The following VTI1A variants were observed in gnomAD, a reference collection of about 807,000 sequenced individuals.
The protein encoded by VTI1A is vesicle transport through interaction with t-SNAREs 1A.
In VTI1A, 22 loss-of-function variants were observed where a neutral mutation model predicts 34.9. The observed-to-expected ratio is 0.63, with a 90% CI of 0.45 to 0.90. VTI1A has a LOEUF of 0.90. Ranked by LOEUF, VTI1A falls within the 40% of genes least tolerant of loss-of-function variation. The pLI, the probability that VTI1A is intolerant of heterozygous loss-of-function variation, is 0.00. For synonymous variants in VTI1A, 87 were observed against 97.3 expected (o/e 0.89, Z 0.62); for missense variants, 268 against 275.6 (o/e 0.97, Z 0.20).
chr10:112,593,943 T>C lies in VTI1A; in HGVS notation c.427+55613T>C, dbSNP rs554439428. On this transcript the variant is annotated intron_variant, in intron 5 of 7. Coordinates refer to ENST00000393077, the MANE Select transcript of VTI1A (RefSeq NM_145206.4). The stretch of plus-strand genomic sequence containing the variant: ...TTATTATTTTGAGACGGAGTCTCGC[T>C]CTGTCACCCAGGCTGGAGTGCAGTG... Among the ~76,000 whole-genome samples the C allele has an allele frequency of 1.9e-3, 290 of 151,942 alleles. 1 individual carries two copies. Among genetic ancestry groups the C allele is most frequent in the African/African-American group, 6.6e-3 (275 of 41,400 alleles).
chr10:112,522,652 C>A (rs990406914), intron 3 of VTI1A, among the ~76,000 whole-genome samples: 6 of 152,056 alleles, frequency 3.9e-5, no homozygotes, highest in African/African-American at 1.4e-4. Flanking sequence ...ATATTTGCAT[C>A]CCATGTAAAA....
chr10:112,734,273 C>A (rs1850377032), intron 7 of VTI1A, among the ~76,000 whole-genome samples: 2 of 152,112 alleles, frequency 1.3e-5, no homozygotes, highest in Admixed American at 1.3e-4. Flanking sequence ...CACCTGTATA[C>A]CATGTCTGAG....
At chr10:112,715,232 A>G (rs769565281) in intron 7 of VTI1A, among the ~76,000 whole-genome samples, 12 of 152,220 alleles carry the variant, frequency 7.9e-5, no homozygotes, top group Non-Finnish European at 1.5e-4. Flanking sequence ...ACTGAATTTT[A>G]ATACTTCCTG....
chr10:112,798,532 G>A (rs1050707032), intron 7 of VTI1A, among the ~76,000 whole-genome samples: 1 of 152,130 alleles, frequency 6.6e-6, no homozygotes, highest in Non-Finnish European at 1.5e-5. Context: ...GACTTAGTCT[G>A]TATGAAGATC....
At chr10:112,830,849 A>ATATATATATATATATATTTTT in the VTI1A span, among the ~76,000 whole-genome samples, 87 of 33,458 alleles carry the variant, frequency 2.6e-3, no homozygotes, top group Non-Finnish European at 3.0e-3. Flanking sequence ...ATATATATAT[A>ATATATATATATATATATTTTT]TTTTTTTTTT....
intron 5 of VTI1A, among the ~76,000 whole-genome samples, chr10:112,662,900 A>ACT (rs1161786047): frequency 1.4e-5 from 2 of 146,186 alleles, no homozygotes; most frequent in Admixed American, 7.5e-5. Flanking sequence ...GTGCACTCCC[A>ACT]ACCTGTGTTT....
intron 7 of VTI1A, among the ~76,000 whole-genome samples, chr10:112,770,084 G>A (rs1851761737): frequency 6.6e-6 from 1 of 151,584 alleles, no homozygotes; most frequent in Non-Finnish European, 1.5e-5. Flanking sequence ...AAACCGAGCA[G>A]GCCAAACCAA....
At chr10:112,713,275 A>G (rs1479784249) in intron 7 of VTI1A, among the ~76,000 whole-genome samples, 2 of 152,198 alleles carry the variant, frequency 1.3e-5, no homozygotes, top group Admixed American at 6.5e-5. Flanking sequence ...TTAGTAATTT[A>G]GAATCCAGGG....
chr10:112,766,122 G>GGGTGTAGTAGT (rs1321013186), intron 7 of VTI1A, among the ~76,000 whole-genome samples: 1 of 152,220 alleles, frequency 6.6e-6, no homozygotes, highest in African/African-American at 2.4e-5. Context: ...GTCAGGGCCA[G>GGGTGTAGTAGT]ACCTATAGGT....
chr10:112,497,328 A>T (rs10787450), intron 3 of VTI1A, among the ~76,000 whole-genome samples: 43,813 of 151,654 alleles, frequency 0.29, 7,129 homozygotes, highest in East Asian at 0.73. Flanking sequence ...AAAAAAAAAA[A>T]AATAATAATA....
chr10:112,731,763 A>T (rs1256199622), intron 7 of VTI1A, among the ~76,000 whole-genome samples: 1 of 152,150 alleles, frequency 6.6e-6, no homozygotes, highest in Non-Finnish European at 1.5e-5. Flanking sequence ...TGTTTATTCC[A>T]CATATTTTAT....
In VTI1A at chr10:112,447,349, C is replaced by T; in HGVS notation, c.-25C>T. 1.9e-6 allele frequency: 3 copies of T among 1,609,748 alleles called. No individual in the cohort carries two copies. The highest frequency in any genetic ancestry group is 1.7e-6 in the Non-Finnish European group (2 of 1,178,344). ...CCCTTTCCCTGACCTAGGCTTTGGC[C>T]TGGGCTACTCGTTCCGGAGCCGCCA... On this transcript the variant is annotated 5_prime_UTR_variant, in exon 1 of 8. Coordinates refer to ENST00000393077, the MANE Select transcript of VTI1A (RefSeq NM_145206.4).
At chr10:112,681,928 C>G (rs1309169722) in intron 7 of VTI1A, among the ~76,000 whole-genome samples, 1 of 152,024 alleles carries the variant, frequency 6.6e-6, no homozygotes, top group Non-Finnish European at 1.5e-5. Flanking sequence ...TCATGTGTCC[C>G]AATTAAATCT....
At chr10:112,687,702 C>T (rs1480291278) in intron 7 of VTI1A, among the ~76,000 whole-genome samples, 1 of 152,090 alleles carries the variant, frequency 6.6e-6, no homozygotes, top group Non-Finnish European at 1.5e-5. Flanking sequence ...TGCACAACTG[C>T]CTCGTTGATC....
intron 3 of VTI1A, among the ~76,000 whole-genome samples, chr10:112,476,938 G>A (rs1320225263): frequency 6.6e-6 from 1 of 152,184 alleles, no homozygotes; most frequent in Non-Finnish European, 1.5e-5. Flanking sequence ...AGTTTAGCTG[G>A]TGGTGGTAAA....
At chr10:112,629,531 A>G (rs1846054575) in intron 5 of VTI1A, among the ~76,000 whole-genome samples, 1 of 152,246 alleles carries the variant, frequency 6.6e-6, no homozygotes, top group Non-Finnish European at 1.5e-5. Flanking sequence ...GGCTTCCCTT[A>G]GGAAGGGGCT....
In VTI1A at chr10:112,471,968, A is replaced by C. The variant is rs144118568; in HGVS notation, c.264+7311A>C. Among the ~76,000 whole-genome samples, 240 of 152,332 alleles carry C rather than the reference A, an allele frequency of 1.6e-3. 1 individual carries two copies. The highest frequency in any genetic ancestry group is 5.3e-3 in the African/African-American group (219 of 41,576). On this transcript the variant is annotated intron_variant, in intron 3 of 7. Coordinates refer to ENST00000393077, the MANE Select transcript of VTI1A (RefSeq NM_145206.4). ...TAAATAGAAAAAGAAAGAAACAAGT[A>C]AGTGGTGTGCTGGTATAAGGTTCTA...
chr10:112,851,747 C>A, the VTI1A span, among the ~76,000 whole-genome samples: 2 of 152,130 alleles, frequency 1.3e-5, no homozygotes, highest in African/African-American at 2.4e-5. Context: ...TAGGGAGACG[C>A]ATTTGAACTT....
chr10:112,836,445 T>A, the VTI1A span, among the ~76,000 whole-genome samples: 2 of 152,194 alleles, frequency 1.3e-5, no homozygotes, highest in African/African-American at 4.8e-5. Flanking sequence ...AACAGCAGTT[T>A]CCTGATTCTC....
Sources: gnomAD v4.1 joint callset for allele counts (sites outside exome capture counted in the v4.1 genomes callset) on GRCh38, gnomAD v4.1.1 for gene constraint, MANE v1.5 for transcripts, NCBI Gene and HGNC (gene_info 2026-07-23, HGNC 2026-07-21) for gene names.